Variants in OR9Q1 observed in about 807,000 individuals in gnomAD.
The protein encoded by OR9Q1 is olfactory receptor 9Q1.
For missense variants in OR9Q1, 374 were observed against 378.8 expected, an observed-to-expected ratio of 0.99 and a Z score of 0.11; for synonymous variants, 153 against 148.6, an observed-to-expected ratio of 1.03 and a Z score of -0.22.
At chr11:58,107,751 C>T (rs994285746) in intron 2 of OR9Q1, among the ~76,000 whole-genome samples, 37 of 142,614 alleles carry the variant, frequency 2.6e-4, no homozygotes, top group African/African-American at 8.1e-4. Flanking sequence ...ATTTATTTGT[C>T]TCTTCTTTAA....
intron 2 of OR9Q1, among the ~76,000 whole-genome samples, chr11:58,104,001 C>CA (rs1385392544): frequency 2.0e-5 from 3 of 152,078 alleles, no homozygotes; most frequent in African/African-American, 7.2e-5. Flanking sequence ...GCATCAGTAG[C>CA]ATGGATACTT....
intron 2 of OR9Q1, among the ~76,000 whole-genome samples, chr11:58,130,799 T>A (rs1299964175): frequency 2.0e-5 from 3 of 150,170 alleles, no homozygotes; most frequent in Non-Finnish European, 4.4e-5. Context: ...AGAGTAAGAC[T>A]GTCTCAAAAA....
At chr11:58,122,728 T>C (rs1854046547) in intron 2 of OR9Q1, among the ~76,000 whole-genome samples, 1 of 152,050 alleles carries the variant, frequency 6.6e-6, no homozygotes, top group South Asian at 2.1e-4. Flanking sequence ...TTTTTGTTAG[T>C]CCTGCCTCAT....
Position 58,090,700 on chromosome 11 carries a change from T to A in OR9Q1, c.-15+34753T>A, listed in dbSNP as rs537271325. On this transcript the variant is annotated intron_variant, in intron 2 of 2. Transcript: ENST00000335397. ...GTCCCTGTTTTTCTATTGTTTGGAA[T>A]AGTTTTAGAAGGAATGGTACCAGCT... 3.3e-5 allele frequency among the ~76,000 whole-genome samples: 5 copies of A among 152,314 alleles called. No homozygotes were observed. The East Asian group carries it at 9.6e-4, about 29-fold the overall frequency.
chr11:58,133,488 A>C (rs1295276137), intron 2 of OR9Q1, among the ~76,000 whole-genome samples: 1 of 152,194 alleles, frequency 6.6e-6, no homozygotes, highest in East Asian at 1.9e-4. Context: ...CTGGGAGCAC[A>C]ATGTGCTGGG....
At position 58,120,068 on chromosome 11, in the gene OR9Q1, C is replaced by T. The variant is rs182301889; in HGVS notation, c.-14-59363C>T. The stretch of plus-strand genomic sequence containing the variant: ...TATTCAATGGGCAGTAAAAAAATTG[C>T]CTAGTCGAATAGTATTAGCTGATAA... On this transcript the variant is annotated intron_variant, in intron 2 of 2. Coordinates refer to ENST00000335397, the MANE Select transcript of OR9Q1 (RefSeq NM_001005212.4). 5.9e-5 allele frequency among the ~76,000 whole-genome samples: 9 copies of T among 152,254 alleles called. No homozygotes were observed. The East Asian group carries it at 1.4e-3, about 23-fold the overall frequency.
chr11:58,067,285 C>T (rs555532760), intron 2 of OR9Q1, among the ~76,000 whole-genome samples: 1 of 152,198 alleles, frequency 6.6e-6, no homozygotes, highest in Admixed American at 6.5e-5. Flanking sequence ...ATCCGCCCAC[C>T]TCGGCCTCCC....
At chr11:58,175,962 C>T (rs1424904755) in intron 2 of OR9Q1, among the ~76,000 whole-genome samples, 1 of 151,988 alleles carries the variant, frequency 6.6e-6, no homozygotes, top group African/African-American at 2.4e-5. Flanking sequence ...CTCCTCTGAG[C>T]AACATCCCAG....
chr11:58,108,451 T>C (rs1040940819), intron 2 of OR9Q1, among the ~76,000 whole-genome samples: 4 of 152,128 alleles, frequency 2.6e-5, no homozygotes, highest in Non-Finnish European at 4.4e-5. Flanking sequence ...ATCTCTGTGA[T>C]GCCAGAGAGT....
chr11:58,061,103 ATCT>A (rs1853376984), intron 2 of OR9Q1, among the ~76,000 whole-genome samples: 1 of 152,094 alleles, frequency 6.6e-6, no homozygotes, highest in African/African-American at 2.4e-5. Flanking sequence ...TCTCCTGCTC[ATCT>A]TCTTCCTGCT....
chr11:58,059,522 C>T (rs1402148856), intron 2 of OR9Q1, among the ~76,000 whole-genome samples: 4 of 151,188 alleles, frequency 2.6e-5, no homozygotes, highest in Non-Finnish European at 5.9e-5. Context: ...ATGGTGAAAC[C>T]CTGTCTCTAC....
At chr11:58,119,636 C>A (rs1854006509) in intron 2 of OR9Q1, among the ~76,000 whole-genome samples, 1 of 152,044 alleles carries the variant, frequency 6.6e-6, no homozygotes, top group South Asian at 2.1e-4. Flanking sequence ...TGGAACTGAG[C>A]CTTAAGCTGG....
intron 2 of OR9Q1, among the ~76,000 whole-genome samples, chr11:58,156,716 C>T (rs1280250600): frequency 6.6e-6 from 1 of 152,158 alleles, no homozygotes; most frequent in East Asian, 1.9e-4. Flanking sequence ...CCTGAGACTT[C>T]TTCTGTGTAT....
intron 2 of OR9Q1, among the ~76,000 whole-genome samples, chr11:58,108,193 T>A (rs1853861277): frequency 6.6e-6 from 1 of 152,186 alleles, no homozygotes; most frequent in African/African-American, 2.4e-5. Flanking sequence ...GATTAGAAAT[T>A]TCACTGAGTT....
chr11:58,041,251 G>C (rs540278583), intron 1 of OR9Q1: 1 of 152,862 alleles, frequency 6.5e-6, no homozygotes, highest in Non-Finnish European at 1.5e-5. Flanking sequence ...GAGGAGGACT[G>C]TCCCCGCCCA....
intron 1 of OR9Q1, among the ~76,000 whole-genome samples, chr11:58,054,792 T>C (rs1853311837): frequency 6.6e-6 from 1 of 152,108 alleles, no homozygotes; most frequent in Non-Finnish European, 1.5e-5. Context: ...GGCATGGTGG[T>C]GCGTGCCTGA....
At position 58,087,736 on chromosome 11, in the gene OR9Q1, C is replaced by A. The variant is rs1287713054; in HGVS notation, c.-15+31789C>A. Among the ~76,000 whole-genome samples, 2 of 151,366 alleles carry A rather than the reference C, an allele frequency of 1.3e-5. 1 individual carries two copies. Among genetic ancestry groups the A allele is most frequent in the African/African-American group, 4.9e-5 (2 of 40,870 alleles). On this transcript the variant is annotated intron_variant, in intron 2 of 2. Transcript: ENST00000335397. ...CCCTTGCCCCCCACCCCCTGACAGG[C>A]CCCGGTGTGTGAGGTTCCCCTCCCT...
At chr11:58,119,539 T>C in intron 2 of OR9Q1, 1 of 864,752 alleles carries the variant, frequency 1.2e-6, no homozygotes, top group Non-Finnish European at 1.8e-6. Context: ...GTGGAAGTTT[T>C]GGTTTTAATT....
chr11:58,171,014 G>A (rs1399003152), intron 2 of OR9Q1: 5 of 152,100 alleles, frequency 3.3e-5, no homozygotes, highest in Admixed American at 2.0e-4. Context: ...GTCAAACAAG[G>A]GCTATAAGGA....
Sources: gnomAD v4.1 joint callset for allele counts (sites outside exome capture counted in the v4.1 genomes callset) on GRCh38, gnomAD v4.1.1 for gene constraint, MANE v1.5 for transcripts, NCBI Gene and HGNC (gene_info 2026-07-23, HGNC 2026-07-21) for gene names.